EIF4E1B: variants seen among roughly 807,000 people sequenced by gnomAD.
The protein encoded by EIF4E1B is eukaryotic translation initiation factor 4E family member 1B.
Under a neutral mutation model 31.3 loss-of-function variants are expected in EIF4E1B, and 22 were observed. The observed-to-expected ratio is 0.70, with a 90% CI of 0.50 to 1.00. The LOEUF (loss-of-function observed/expected upper bound fraction) is 1.00. Among genes scored for constraint, EIF4E1B ranks in the 50% least tolerant of loss-of-function variants. EIF4E1B has a pLI of 0.00. For missense variants in EIF4E1B, 290 were observed against 311.6 expected, an observed-to-expected ratio of 0.93 and a Z score of 0.52; for synonymous variants, 126 against 120.2, an observed-to-expected ratio of 1.05 and a Z score of -0.31.
Position 176,645,670 on chromosome 5 carries a change from ATTTCTAAC to A in EIF4E1B, c.614+160_614+167del, listed in dbSNP as rs995044538. 1 of 1,255,104 alleles carries A rather than the reference ATTTCTAAC, an allele frequency of 8.0e-7. No homozygotes were observed. The highest frequency in any genetic ancestry group is 1.5e-5 in the African/African-American group (1 of 65,896). 77.7% of individuals were successfully genotyped at this position (1,255,104 alleles called of 1,614,324 possible). A position where few individuals can be genotyped will look rare whatever the true frequency, so the allele number is the denominator to read the frequency against. On this transcript the variant is annotated intron_variant, in intron 8 of 8. Coordinates refer to ENST00000318682, the MANE Select transcript of EIF4E1B (RefSeq NM_001099408.2). The surrounding 1 kb of genome is among the most constrained non-coding windows in gnomAD (Gnocchi z 5.4). ...CCTGTATGGAAGGTCTGGCGTTCAG[ATTTCTAAC>A]TTTCTCTTACGGCAGTGCAGCTCTC...
chr5:176,637,225 G>A (rs765267390), intron 1 of EIF4E1B, among the ~76,000 whole-genome samples: 14 of 152,122 alleles, frequency 9.2e-5, no homozygotes, highest in Non-Finnish European at 1.6e-4. Context: ...GATCACCTGC[G>A]GTCACGAGTT....
At chr5:176,642,828 C>G (rs759943190) in intron 3 of EIF4E1B, 26 bp downstream of exon 3, 5 of 1,541,234 alleles carry the variant, frequency 3.2e-6, no homozygotes, top group East Asian at 4.9e-5. Context: ...TCTCTACCCC[C>G]AGTGCACCAT....
At chr5:176,642,870 C>CCCCCCCCCCCCGGGG in intron 3 of EIF4E1B, 68 bp downstream of exon 3, 3 of 1,426,046 alleles carry the variant, frequency 2.1e-6, no homozygotes, top group East Asian at 5.2e-5. Context: ...CCCCCCGCCC[C>CCCCCCCCCCCCGGGG]AGGTGGGCGG....
At chr5:176,643,330 C>T (rs1487250328) in intron 4 of EIF4E1B, 64 bp downstream of exon 4, 16 of 1,521,286 alleles carry the variant, frequency 1.1e-5, no homozygotes, top group Admixed American at 8.0e-5. Flanking sequence ...GTGCTGGCAG[C>T]GTGGCCTTGG....
At chr5:176,631,342 C>A (rs1760378117) in intron 1 of EIF4E1B, among the ~76,000 whole-genome samples, 1 of 152,104 alleles carries the variant, frequency 6.6e-6, no homozygotes, top group South Asian at 2.1e-4. Context: ...TGGGGACTGT[C>A]AAAATGATCA....
At chr5:176,644,139 C>A in intron 5 of EIF4E1B, 1 of 579,610 alleles carries the variant, frequency 1.7e-6, no homozygotes. Flanking sequence ...GAGGGGGGAG[C>A]ACCAGGGGGT....
At position 176,644,360 on chromosome 5, in the gene EIF4E1B, CG is replaced by C; in HGVS notation, c.297-11del. ...AAAGCCTTGACTTTTGGCATGGGGT[CG>C]GGGGCTCTGTCCAGGCTATACAGTC... On this transcript the variant is annotated splice_polypyrimidine_tract_variant and intron_variant, in intron 5 of 8. Transcript: ENST00000318682. 3 of 1,580,116 alleles carry C rather than the reference CG, an allele frequency of 1.9e-6. No homozygotes were observed. Among genetic ancestry groups the C allele is most frequent in the South Asian group, 2.3e-5 (2 of 86,126 alleles).
chr5:176,633,249 A>G (rs184249924), intron 1 of EIF4E1B, among the ~76,000 whole-genome samples: 1 of 151,814 alleles, frequency 6.6e-6, no homozygotes, highest in East Asian at 1.9e-4. Context: ...TTGTTTTAAG[A>G]GATAAGGTTT....
Position 176,644,461 on chromosome 5 carries a change from C to T in EIF4E1B, c.360+22C>T. 1.9e-6 allele frequency: 3 copies of T among 1,586,242 alleles called. No individual in the cohort carries two copies. The African/African-American group carries it at 4.0e-5, about 21-fold the overall frequency. On this transcript the variant is annotated intron_variant, in intron 6 of 8. Coordinates refer to ENST00000318682, the MANE Select transcript of EIF4E1B (RefSeq NM_001099408.2). ...CAAGGTAAGCTCTGCTCTCCTCTTTCCCTCCCGCAAAGGGACAAGGGGTTG... is the reference window on the plus strand; with the variant it reads ...CAAGGTAAGCTCTGCTCTCCTCTTTTCCTCCCGCAAAGGGACAAGGGGTTG...
chr5:176,643,315 C>G (rs769402313), intron 4 of EIF4E1B, 49 bp downstream of exon 4: 1 of 1,582,474 alleles, frequency 6.3e-7, no homozygotes, highest in Non-Finnish European at 8.6e-7. Flanking sequence ...TTCAGGCCAG[C>G]CTCTGTGCTG....
intron 1 of EIF4E1B, among the ~76,000 whole-genome samples, chr5:176,631,607 G>C (rs1036549572): frequency 6.6e-6 from 1 of 150,984 alleles, no homozygotes; most frequent in African/African-American, 2.4e-5. Context: ...GGGTGTGTAA[G>C]TGACAGGTAA....
At chr5:176,636,366 C>T (rs1760492932) in intron 1 of EIF4E1B, among the ~76,000 whole-genome samples, 1 of 152,228 alleles carries the variant, frequency 6.6e-6, no homozygotes, top group Non-Finnish European at 1.5e-5. Flanking sequence ...AGGAAATGGG[C>T]CTTTCCATTC....
rs1287433609 is a variant in EIF4E1B, at chr5:176,646,215, G to A, written c.*235G>A. 10 of 462,644 alleles carry A rather than the reference G, an allele frequency of 2.2e-5. No individual in the cohort carries two copies. Among genetic ancestry groups the A allele is most frequent in the Admixed American group, 3.4e-5 (1 of 29,754 alleles). The allele number at this position is 462,644 out of a possible 1,614,324, so 28.7% of individuals were successfully genotyped here. The stretch of plus-strand genomic sequence containing the variant: ...TGGGGCCACAGGACAGCAGCAGGGT[G>A]GAAAAAACTCCTGAGGGTGGGGTGA... On this transcript the variant is annotated 3_prime_UTR_variant, in exon 9 of 9. Transcript: ENST00000318682.
chr5:176,644,277 G>A (rs1760651965), intron 5 of EIF4E1B, 99 bp from the exon 6 acceptor site: 1 of 1,266,608 alleles, frequency 7.9e-7, no homozygotes, highest in Non-Finnish European at 1.1e-6. Flanking sequence ...AAGGCTTGGA[G>A]GCCATGGGGT....
chr5:176,642,845 GCCCTCTCCCCCCCCCCCCCC>G, intron 3 of EIF4E1B, 43 bp downstream of exon 3: 1 of 1,337,126 alleles, frequency 7.5e-7, no homozygotes, highest in South Asian at 1.5e-5. Flanking sequence ...CCATGGCCCC[GCCCTCTCCCCCCCCCCCCCC>G]GCCCCAGGTG....
chr5:176,644,048 A>G (rs1361780900), intron 5 of EIF4E1B: 11 of 551,570 alleles, frequency 2.0e-5, no homozygotes, highest in Non-Finnish European at 3.5e-5. Context: ...CGGCTGCCTC[A>G]GTGTCCGGGT....
intron 5 of EIF4E1B, chr5:176,644,146 G>A (rs1185815780): frequency 1.7e-6 from 1 of 582,634 alleles, no homozygotes; most frequent in African/African-American, 1.9e-5. Context: ...GAGCACCAGG[G>A]GGTCTAAAAC....
At chr5:176,641,553 G>A (rs560892220) in intron 1 of EIF4E1B, 1 of 152,288 alleles carries the variant, frequency 6.6e-6, no homozygotes, top group South Asian at 2.1e-4. Flanking sequence ...GGTTGTGTTT[G>A]TGACGACACA....
rs917717354 is a variant in EIF4E1B at position 176,645,820 on chromosome 5, G to A, written c.615-46G>A. On this transcript the variant is annotated intron_variant, in intron 8 of 8. Coordinates refer to ENST00000318682, the MANE Select transcript of EIF4E1B (RefSeq NM_001099408.2). This position sits in a 1 kb window ranked among gnomAD's most constrained non-coding sequence, Gnocchi z 5.4. Reference sequence around the variant, plus strand: ...GCCTAAGTTATCTCTAGGACCCTCTGATGACTACCTGTGTCTCTTTTCCTC... The same window carrying A: ...GCCTAAGTTATCTCTAGGACCCTCTAATGACTACCTGTGTCTCTTTTCCTC... The A allele has an allele frequency of 6.7e-7, 1 of 1,496,338 alleles. No homozygotes were observed. Among genetic ancestry groups the A allele is most frequent in the South Asian group, 1.2e-5 (1 of 80,556 alleles). 92.7% of individuals were successfully genotyped at this position (1,496,338 alleles called of 1,614,324 possible).
Sources: allele counts gnomAD v4.1 joint callset (sites outside exome capture counted in the v4.1 genomes callset), GRCh38; gene constraint gnomAD v4.1.1; non-coding constraint Gnocchi (gnomAD v3.1); transcripts MANE v1.5; gene names NCBI Gene and HGNC (gene_info 2026-07-23, HGNC 2026-07-21).